USP47: variants seen among roughly 807,000 people sequenced by gnomAD.
USP47 encodes ubiquitin carboxyl-terminal hydrolase 47.
In USP47, 35 loss-of-function variants were observed where a neutral mutation model predicts 165.1. The ratio of observed to expected loss-of-function variants is 0.21; its 90% CI spans 0.16 to 0.28. The LOEUF (loss-of-function observed/expected upper bound fraction) is 0.28, where lower values mean the gene tolerates loss of function less well. Among genes scored for constraint, USP47 ranks in the 10% least tolerant of loss-of-function variants. The pLI is 1.00. For missense variants in USP47, 1,277 were observed against 1,607.4 expected, an observed-to-expected ratio of 0.79 and a Z score of 3.52; for synonymous variants, 531 against 544.5, an observed-to-expected ratio of 0.98 and a Z score of 0.35.
At chr11:11,861,237 G>A (rs1026896958) in intron 1 of USP47, among the ~76,000 whole-genome samples, 3 of 152,124 alleles carry the variant, frequency 2.0e-5, no homozygotes, top group African/African-American at 7.2e-5. Context: ...TGGAATTACA[G>A]GCATGTGCCA....
intron 8 of USP47, among the ~76,000 whole-genome samples, chr11:11,916,228 G>C (rs1046021541): frequency 2.6e-5 from 4 of 152,140 alleles, no homozygotes; most frequent in Admixed American, 2.6e-4. Context: ...GCAGAGGATT[G>C]CCTGAGCTTA....
chr11:11,881,809 C>T (rs1850850792), intron 2 of USP47, among the ~76,000 whole-genome samples: 1 of 152,066 alleles, frequency 6.6e-6, no homozygotes, highest in Non-Finnish European at 1.5e-5. Context: ...ACACTGATTC[C>T]ATTCATGAGG....
intron 2 of USP47, among the ~76,000 whole-genome samples, chr11:11,884,109 T>C (rs1851004098): frequency 6.6e-6 from 1 of 152,198 alleles, no homozygotes; most frequent in Non-Finnish European, 1.5e-5. Context: ...TCAATTTTCT[T>C]GAAACCCCAT....
Position 11,930,108 on chromosome 11 carries a change from G to T in USP47, c.1583G>T (p.Ser528Ile). 6.2e-7 allele frequency: 1 copy of T among 1,612,648 alleles called. No individual in the cohort carries two copies. Among genetic ancestry groups the T allele is most frequent in the South Asian group, 1.1e-5 (1 of 91,028 alleles). ...GSSGSRGYYS[S>I]AFASSTNAYM... ...TCAGGAAGCAGAGGATATTATTCTA[G>T]TGCTTTCGCAAGGTAAGCAATTTCC... Residue 528 changes from serine to isoleucine, a missense_variant, in exon 13 of 28, where the codon AGT (serine) becomes ATT (isoleucine). Ser to Ile is a moderately radical substitution (Grantham distance 142). Coordinates refer to ENST00000527733, the MANE Select transcript of USP47 (RefSeq NM_001282659.2).
At chr11:11,869,597 T>C (rs1849902339) in intron 1 of USP47, among the ~76,000 whole-genome samples, 1 of 152,228 alleles carries the variant, frequency 6.6e-6, no homozygotes, top group African/African-American at 2.4e-5. Flanking sequence ...TGCCTTTCCC[T>C]ATAAATTTCA....
intron 1 of USP47, among the ~76,000 whole-genome samples, chr11:11,861,036 A>G (rs952400495): frequency 2.0e-5 from 3 of 152,156 alleles, no homozygotes; most frequent in Admixed American, 1.3e-4. Context: ...CTTTTTCTTC[A>G]TCGATAAAAT....
At chr11:11,867,887 G>GT (rs138580493) in intron 1 of USP47, among the ~76,000 whole-genome samples, 6,990 of 147,406 alleles carry the variant, frequency 0.047, 351 homozygotes, top group African/African-American at 0.12. Flanking sequence ...TTGGAGTTTT[G>GT]TTTTTTTTTT....
At chr11:11,851,052 G>T (rs1211494596) in intron 1 of USP47, among the ~76,000 whole-genome samples, 2 of 152,080 alleles carry the variant, frequency 1.3e-5, no homozygotes, top group East Asian at 1.9e-4. Context: ...TGAATTTTGG[G>T]GTAAGGAGAC....
chr11:11,920,534 C>T (rs1853758301), intron 10 of USP47, 40 bp downstream of exon 10: 2 of 1,554,364 alleles, frequency 1.3e-6, no homozygotes, highest in South Asian at 1.2e-5. Context: ...CATTAATCCA[C>T]ATTAGTCAGT....
chr11:11,956,257 C>G lies in USP47; in HGVS notation c.*82C>G, dbSNP rs752429389. 2.0e-6 allele frequency: 3 copies of G among 1,526,752 alleles called. No individual in the cohort carries two copies. Among genetic ancestry groups the G allele is most frequent in the South Asian group, 1.2e-5 (1 of 83,418 alleles). 94.6% of individuals were successfully genotyped at this position (1,526,752 alleles called of 1,614,324 possible). A position where few individuals can be genotyped will look rare whatever the true frequency, so the allele number is the denominator to read the frequency against. On this transcript the variant is annotated 3_prime_UTR_variant, in exon 28 of 28. Transcript: ENST00000527733. ...TACCACTGGGTAGTGCCATTTTGGC[C>G]GGACATGGTTGGGGTAACCCAGTGA...
At chr11:11,900,154 CTTTTTTTTTT>C (rs1042565841) in intron 5 of USP47, among the ~76,000 whole-genome samples, 2 of 99,078 alleles carry the variant, frequency 2.0e-5, no homozygotes, top group Non-Finnish European at 3.8e-5. Context: ...ATTTTCTTCA[CTTTTTTTTTT>C]TTTTTTTTTT....
At chr11:11,941,485 T>A (rs1029170555) in intron 19 of USP47, among the ~76,000 whole-genome samples, 3 of 151,952 alleles carry the variant, frequency 2.0e-5, no homozygotes, top group Admixed American at 1.3e-4. Context: ...AATTTCATTT[T>A]AAAAAAAGAT....
intron 1 of USP47, among the ~76,000 whole-genome samples, chr11:11,874,540 A>G (rs1850267083): frequency 6.6e-6 from 1 of 152,024 alleles, no homozygotes; most frequent in Non-Finnish European, 1.5e-5. Flanking sequence ...AATAAAAATG[A>G]AGAGTCTAAA....
At chr11:11,909,154 T>C (rs185665031) in intron 8 of USP47, among the ~76,000 whole-genome samples, 240 of 152,278 alleles carry the variant, frequency 1.6e-3, no homozygotes, top group Middle Eastern at 0.014. Flanking sequence ...TTTATATTTG[T>C]GTCCTTGGGA....
At chr11:11,852,701 T>G (rs1193936794) in intron 1 of USP47, among the ~76,000 whole-genome samples, 1 of 152,200 alleles carries the variant, frequency 6.6e-6, no homozygotes, top group Non-Finnish European at 1.5e-5. Context: ...AAATTGTGTT[T>G]CTGTTTGTTT....
chr11:11,867,209 A>G (rs915951880), intron 1 of USP47, among the ~76,000 whole-genome samples: 1 of 152,096 alleles, frequency 6.6e-6, no homozygotes, highest in Admixed American at 6.6e-5. Context: ...CTCTGACTAC[A>G]TGTAAATTCT....
chr11:11,934,631 C>G (rs1319368985), intron 16 of USP47, among the ~76,000 whole-genome samples: 1 of 151,880 alleles, frequency 6.6e-6, no homozygotes, highest in Non-Finnish European at 1.5e-5. Flanking sequence ...AAGAAAGGAG[C>G]CATATGTTTA....
At chr11:11,949,110 A>G (rs1856049824) in intron 22 of USP47, 1 of 152,528 alleles carries the variant, frequency 6.6e-6, no homozygotes, top group Non-Finnish European at 1.5e-5. Flanking sequence ...CATTCTATAG[A>G]TGAAGAAACT....
At chr11:11,872,530 G>T (rs1240584334) in intron 1 of USP47, among the ~76,000 whole-genome samples, 1 of 152,154 alleles carries the variant, frequency 6.6e-6, no homozygotes, top group Non-Finnish European at 1.5e-5. Flanking sequence ...GAGCAAAGGA[G>T]GTGAGGACAT....
Sources: allele counts gnomAD v4.1 joint callset (sites outside exome capture counted in the v4.1 genomes callset), GRCh38; gene constraint gnomAD v4.1.1; transcripts MANE v1.5; gene names NCBI Gene and HGNC (gene_info 2026-07-23, HGNC 2026-07-21).